CACUL1: variants seen among roughly 807,000 people sequenced by gnomAD.
CACUL1 encodes CDK2 associated cullin domain 1.
CACUL1 carries 13 observed loss-of-function variants against 45.2 expected under a neutral mutation model. The observed-to-expected ratio is 0.29, with a 90% confidence interval of 0.19 to 0.46. The LOEUF (loss-of-function observed/expected upper bound fraction) is 0.46. Ranked by LOEUF, CACUL1 falls within the 20% of genes least tolerant of loss-of-function variation. CACUL1 has a pLI of 1.00. For missense variants in CACUL1, 421 were observed against 471.4 expected (o/e 0.89, Z 0.99); for synonymous variants, 197 against 174.2 (o/e 1.13, Z -1.03).
At chr10:118,747,161 T>A (rs1845850654) in intron 1 of CACUL1, among the ~76,000 whole-genome samples, 1 of 152,156 alleles carries the variant, frequency 6.6e-6, no homozygotes, top group African/African-American at 2.4e-5. Flanking sequence ...ACAGAAAAAT[T>A]GTCTCTTCCA....
chr10:118,722,444 C>T (rs906761716), intron 3 of CACUL1, among the ~76,000 whole-genome samples: 2 of 152,098 alleles, frequency 1.3e-5, no homozygotes, highest in Non-Finnish European at 2.9e-5. Flanking sequence ...GAAACCATAA[C>T]ACCATCCAGC....
intron 5 of CACUL1, among the ~76,000 whole-genome samples, chr10:118,698,206 C>T (rs1478224044): frequency 2.7e-5 from 4 of 147,928 alleles, no homozygotes; most frequent in Non-Finnish European, 4.4e-5. Flanking sequence ...AGTGCAGTGG[C>T]GATCTTGGCT....
intron 7 of CACUL1, among the ~76,000 whole-genome samples, chr10:118,688,884 G>A (rs1267626767): frequency 6.6e-6 from 1 of 152,164 alleles, no homozygotes; most frequent in African/African-American, 2.4e-5. Context: ...TGCAAAAAAG[G>A]ATGTATTTGA....
chr10:118,678,938 ACT>A lies in CACUL1; in HGVS notation c.*7188_*7189del, dbSNP rs1368368259. On this transcript the variant is annotated 3_prime_UTR_variant, in exon 9 of 9. Coordinates refer to ENST00000369151, the MANE Select transcript of CACUL1 (RefSeq NM_153810.5). ...TTAGTCTCTGCAAGATCTATTAATTACTGAGAGGGGTATGTTGAAAATGCCCA... is the reference window on the plus strand; with the variant it reads ...TTAGTCTCTGCAAGATCTATTAATTAGAGAGGGGTATGTTGAAAATGCCCA... 3.3e-5 allele frequency: 5 copies of A among 152,224 alleles called. No homozygotes were observed. The highest frequency in any genetic ancestry group is 1.2e-4 in the African/African-American group (5 of 41,456). 9.4% of individuals were successfully genotyped at this position (152,224 alleles called of 1,614,324 possible).
In CACUL1 at chr10:118,691,351, G is replaced by A. The variant is rs114485708; in HGVS notation, c.939C>T (p.Leu313=). The change falls in exon 7 of 9, where the codon CTC becomes CTT. Residue 313 remains leucine (L), a synonymous_variant. Transcript: ENST00000369151. ...AAAGTTCAGATTCCACCGCCGGAGGGAGAATGTTTGGAATAAATTTAGAAA... is the reference window on the plus strand; with the variant it reads ...AAAGTTCAGATTCCACCGCCGGAGGAAGAATGTTTGGAATAAATTTAGAAA... ...TLFSKFIPNI[L]PPAVESELSE... The A allele has an allele frequency of 1.7e-5, 28 of 1,612,466 alleles. No homozygotes were observed. In the African/African-American group the frequency reaches 3.7e-4, roughly 22 times the overall value.
At chr10:118,701,675 T>C (rs1845381334) in intron 4 of CACUL1, among the ~76,000 whole-genome samples, 1 of 152,184 alleles carries the variant, frequency 6.6e-6, no homozygotes, top group Non-Finnish European at 1.5e-5. Flanking sequence ...TGTACAAACA[T>C]TGTAGAATCA....
intron 6 of CACUL1, 137 bp from the exon 7 acceptor site, chr10:118,691,540 TA>T: frequency 1.3e-6 from 1 of 741,588 alleles, no homozygotes; most frequent in Non-Finnish European, 2.2e-6. Flanking sequence ...CCCATTCTGG[TA>T]AAGAACATAC....
At chr10:118,733,483 C>T (rs1281888124) in intron 1 of CACUL1, among the ~76,000 whole-genome samples, 1 of 148,624 alleles carries the variant, frequency 6.7e-6, no homozygotes, top group Non-Finnish European at 1.5e-5. Context: ...TAACCATCTG[C>T]AGTCAACACT....
chr10:118,724,201 AC>A (rs1185586834), intron 3 of CACUL1, among the ~76,000 whole-genome samples: 1 of 151,926 alleles, frequency 6.6e-6, no homozygotes, highest in Non-Finnish European at 1.5e-5. Context: ...TTATTACCCA[AC>A]CCCCACAAGT....
At chr10:118,688,723 C>T (rs11594672) in intron 7 of CACUL1, among the ~76,000 whole-genome samples, 12,684 of 152,176 alleles carry the variant, frequency 0.083, 675 homozygotes, top group Middle Eastern at 0.12. Flanking sequence ...ACCAAACTTC[C>T]ACCCCTCGCC....
chr10:118,733,361 T>G (rs117049506), intron 1 of CACUL1, among the ~76,000 whole-genome samples: 8 of 152,246 alleles, frequency 5.3e-5, no homozygotes, highest in Non-Finnish European at 8.8e-5. Flanking sequence ...TTTCCACACG[T>G]ATTATTTATT....
In CACUL1 at chr10:118,701,405, T is replaced by G; in HGVS notation, c.697A>C (p.Lys233Gln). The change falls in exon 5 of 9, where the codon AAG becomes CAG. Residue 233 changes from lysine to glutamine, a missense_variant. Coordinates refer to ENST00000369151, the MANE Select transcript of CACUL1 (RefSeq NM_153810.5). ...SIVPLFIYMN[K>Q]FYIETKLNRD... Reference sequence around the variant, plus strand: ...TTAAGCTTGGTTTCGATGTAAAACTTATTCTGAAAAATAAAATAAAATCTT... The same window carrying G: ...TTAAGCTTGGTTTCGATGTAAAACTGATTCTGAAAAATAAAATAAAATCTT... 1 of 1,516,690 alleles carries G rather than the reference T, an allele frequency of 6.6e-7. No homozygotes were observed. The highest frequency in any genetic ancestry group is 1.2e-5 in the South Asian group (1 of 80,514). 94.0% of individuals were successfully genotyped at this position (1,516,690 alleles called of 1,614,324 possible).
chr10:118,702,584 CTTTTTTT>C (rs35241397), intron 4 of CACUL1, among the ~76,000 whole-genome samples: 2 of 138,832 alleles, frequency 1.4e-5, no homozygotes, highest in Non-Finnish European at 3.2e-5. Context: ...TTTCTTTTTT[CTTTTTTT>C]TTTTTTTGAG....
intron 3 of CACUL1, among the ~76,000 whole-genome samples, chr10:118,725,999 T>C (rs1434142802): frequency 6.6e-6 from 1 of 152,236 alleles, no homozygotes; most frequent in Non-Finnish European, 1.5e-5. Flanking sequence ...TGACGCCCTG[T>C]AGGTCCAAAT....
chr10:118,702,353 G>A (rs1269702700), intron 4 of CACUL1, among the ~76,000 whole-genome samples: 1 of 152,088 alleles, frequency 6.6e-6, no homozygotes, highest in Non-Finnish European at 1.5e-5. Flanking sequence ...CCCGTGACAG[G>A]GAACAGGATA....
chr10:118,694,538 T>C (rs1195937903), intron 6 of CACUL1, among the ~76,000 whole-genome samples: 1 of 152,250 alleles, frequency 6.6e-6, no homozygotes, highest in African/African-American at 2.4e-5. Context: ...GACAACTCTA[T>C]GACAAGTTTG....
At chr10:118,736,412 C>T (rs1845741648) in intron 1 of CACUL1, among the ~76,000 whole-genome samples, 1 of 151,272 alleles carries the variant, frequency 6.6e-6, no homozygotes, top group South Asian at 2.1e-4. Context: ...GAGACAGGGT[C>T]TCTCACTCTG....
chr10:118,692,699 A>T (rs1564828462), intron 6 of CACUL1: 1 of 152,224 alleles, frequency 6.6e-6, no homozygotes, highest in Non-Finnish European at 1.5e-5. Context: ...AAACTATAAA[A>T]ATATTAATGC....
chr10:118,723,910 G>A (rs938415904), intron 3 of CACUL1, among the ~76,000 whole-genome samples: 1 of 151,890 alleles, frequency 6.6e-6, no homozygotes, highest in Non-Finnish European at 1.5e-5. Flanking sequence ...GATTATAGGC[G>A]CCCACCACCA....
Sources: gnomAD v4.1 joint callset for allele counts (sites outside exome capture counted in the v4.1 genomes callset) on GRCh38, gnomAD v4.1.1 for gene constraint, MANE v1.5 for transcripts, NCBI Gene and HGNC (gene_info 2026-07-23, HGNC 2026-07-21) for gene names.